The following LPAR3 variants were observed in gnomAD, a reference collection of about 807,000 sequenced individuals.
LPAR3 encodes LPA receptor 3.
LPAR3 carries 7 observed loss-of-function variants against 17.8 expected under a neutral mutation model. That is an observed-to-expected ratio of 0.39 (90% confidence interval 0.22 to 0.74). The LOEUF (loss-of-function observed/expected upper bound fraction) is 0.74, where lower values mean the gene tolerates loss of function less well. LPAR3 is among the 30% of genes least tolerant of loss of function. LPAR3 has a pLI of 0.40. For synonymous variants in LPAR3, 179 were observed against 179.9 expected, an observed-to-expected ratio of 0.99 and a Z score of 0.04; for missense variants, 391 against 453.4, an observed-to-expected ratio of 0.86 and a Z score of 1.25.
intron 1 of LPAR3, among the ~76,000 whole-genome samples, chr1:84,885,390 G>A (rs1488133532): frequency 6.6e-6 from 1 of 152,216 alleles, no homozygotes; most frequent in Non-Finnish European, 1.5e-5. Context: ...GTGTTGGCAA[G>A]AATGTGGGGA....
chr1:84,870,816 A>T (rs1283535880), intron 1 of LPAR3, among the ~76,000 whole-genome samples: 9 of 152,178 alleles, frequency 5.9e-5, no homozygotes, highest in Non-Finnish European at 4.4e-5. Flanking sequence ...TCTTATCTGC[A>T]ACACTATACT....
At chr1:84,886,621 G>A (rs538126886) in intron 1 of LPAR3, among the ~76,000 whole-genome samples, 1 of 152,282 alleles carries the variant, frequency 6.6e-6, no homozygotes, top group Admixed American at 6.5e-5. Flanking sequence ...AGGTAACTAT[G>A]ATGGGCATGT....
chr1:84,856,055 C>G (rs1445626047), intron 2 of LPAR3, among the ~76,000 whole-genome samples: 2 of 152,168 alleles, frequency 1.3e-5, no homozygotes, highest in African/African-American at 4.8e-5. Flanking sequence ...TGTCAAACAG[C>G]AGCGTAGGGG....
chr1:84,812,187 G>A lies in LPAR3; in HGVS notation c.*1659C>T, dbSNP rs1262379458. 4 of 152,000 alleles carry A rather than the reference G, an allele frequency of 2.6e-5. No individual in the cohort carries two copies. The highest frequency in any genetic ancestry group is 2.1e-4 in the South Asian group (1 of 4,808). The allele number at this position is 152,000 out of a possible 1,614,324, so 9.4% of individuals were successfully genotyped here. A position where few individuals can be genotyped will look rare whatever the true frequency, so the allele number is the denominator to read the frequency against. On this transcript the variant is annotated 3_prime_UTR_variant, in exon 3 of 3. Transcript: ENST00000370611. ...GCTCATATTTCATTCTATATGGAAG[G>A]GATTCAGCCTGCTCTTCAATACAGC...
At chr1:84,857,850 T>C (rs905808128) in intron 2 of LPAR3, among the ~76,000 whole-genome samples, 4 of 152,168 alleles carry the variant, frequency 2.6e-5, no homozygotes, top group Non-Finnish European at 5.9e-5. Context: ...CATCTGGTAA[T>C]AACAGAACTT....
chr1:84,880,080 A>G (rs1660335815), intron 1 of LPAR3, among the ~76,000 whole-genome samples: 1 of 152,228 alleles, frequency 6.6e-6, no homozygotes. Context: ...CTGTAATCCC[A>G]GCACTTTGGG....
At chr1:84,866,847 C>T (rs1325274) in intron 1 of LPAR3, among the ~76,000 whole-genome samples, 25,479 of 152,090 alleles carry the variant, frequency 0.17, 2,689 homozygotes, top group African/African-American at 0.3. Flanking sequence ...ATCTCCCTTC[C>T]TTACCTTTTG....
intron 1 of LPAR3, among the ~76,000 whole-genome samples, chr1:84,867,869 G>C (rs1238037603): frequency 6.6e-6 from 1 of 152,018 alleles, no homozygotes. Flanking sequence ...AATTTTAATA[G>C]CTTCACAATA....
intron 2 of LPAR3, among the ~76,000 whole-genome samples, chr1:84,820,564 T>C (rs1194226507): frequency 6.6e-6 from 1 of 152,082 alleles, no homozygotes; most frequent in African/African-American, 2.4e-5. Flanking sequence ...AGGAAGATGA[T>C]TGAGGAAGTA....
At chr1:84,892,123 G>A (rs1660563463) in intron 1 of LPAR3, among the ~76,000 whole-genome samples, 1 of 151,988 alleles carries the variant, frequency 6.6e-6, no homozygotes, top group Non-Finnish European at 1.5e-5. Context: ...TGAGGCAGGA[G>A]AATCGCTCGA....
intron 1 of LPAR3, among the ~76,000 whole-genome samples, chr1:84,881,975 C>A (rs1660374728): frequency 6.6e-6 from 1 of 152,082 alleles, no homozygotes; most frequent in Non-Finnish European, 1.5e-5. Context: ...ATTGGAAGTC[C>A]CAGCCACAGC....
intron 1 of LPAR3, among the ~76,000 whole-genome samples, chr1:84,891,664 G>T (rs7556480): frequency 6.6e-6 from 1 of 151,978 alleles, no homozygotes. Context: ...TCTTCTCAGC[G>T]ATACAAAAGT....
At chr1:84,876,523 C>G (rs1660263179) in intron 1 of LPAR3, among the ~76,000 whole-genome samples, 1 of 152,126 alleles carries the variant, frequency 6.6e-6, no homozygotes, top group Non-Finnish European at 1.5e-5. Flanking sequence ...AGGTAGCCTC[C>G]CCTCCCTCCT....
chr1:84,844,938 T>A (rs892811707), intron 2 of LPAR3, among the ~76,000 whole-genome samples: 4 of 152,208 alleles, frequency 2.6e-5, no homozygotes, highest in Non-Finnish European at 5.9e-5. Flanking sequence ...AATCATATAT[T>A]CTACAATGTG....
chr1:84,858,041 G>A (rs1254913640), intron 2 of LPAR3, among the ~76,000 whole-genome samples: 1 of 152,092 alleles, frequency 6.6e-6, no homozygotes, highest in Non-Finnish European at 1.5e-5. Flanking sequence ...TGTTATGAGG[G>A]TTAAGTGAAA....
At chr1:84,823,563 C>G (rs567678493) in intron 2 of LPAR3, among the ~76,000 whole-genome samples, 98 of 152,188 alleles carry the variant, frequency 6.4e-4, no homozygotes, top group Non-Finnish European at 7.9e-4. Context: ...AAACTTGTGG[C>G]CAGCTTTCCA....
chr1:84,837,290 T>C (rs1218107930), intron 2 of LPAR3, among the ~76,000 whole-genome samples: 1 of 152,162 alleles, frequency 6.6e-6, no homozygotes, highest in African/African-American at 2.4e-5. Flanking sequence ...CAAAGTGCTG[T>C]GATTACAGGC....
chr1:84,881,177 G>T (rs560531761), intron 1 of LPAR3, among the ~76,000 whole-genome samples: 1 of 152,054 alleles, frequency 6.6e-6, no homozygotes. Context: ...TCACCTGCAC[G>T]CTGAAGGAAA....
At chr1:84,859,634 G>C (rs144748428) in intron 2 of LPAR3, among the ~76,000 whole-genome samples, 29 of 152,242 alleles carry the variant, frequency 1.9e-4, no homozygotes, top group African/African-American at 6.3e-4. Context: ...AACACACTCT[G>C]ACATTTTCTC....
Sources: allele counts gnomAD v4.1 joint callset (sites outside exome capture counted in the v4.1 genomes callset), GRCh38; gene constraint gnomAD v4.1.1; transcripts MANE v1.5; gene names NCBI Gene and HGNC (gene_info 2026-07-23, HGNC 2026-07-21).